The following ART3 variants were observed in gnomAD, a reference collection of about 807,000 sequenced individuals.
The protein encoded by ART3 is ecto-ADP-ribosyltransferase 3.
A neutral mutation model predicts 48.5 loss-of-function variants in ART3; 49 were observed. That is an observed-to-expected ratio of 1.01 (90% CI 0.80 to 1.28). The LOEUF (loss-of-function observed/expected upper bound fraction) is 1.28. ART3 is among the 50% of genes most tolerant of loss of function. The pLI is 0.00. For missense variants in ART3, 438 were observed against 454.3 expected (o/e 0.96, Z 0.33); for synonymous variants, 145 against 157.2 (o/e 0.92, Z 0.58).
At chr4:76,087,402 C>CCAG (rs1723845837) in intron 3 of ART3, among the ~76,000 whole-genome samples, 1 of 152,072 alleles carries the variant, frequency 6.6e-6, no homozygotes, top group South Asian at 2.1e-4. Context: ...ATCAAAAACT[C>CCAG]CCTGGAGTAA....
intron 1 of ART3, among the ~76,000 whole-genome samples, chr4:76,030,116 A>T (rs992351050): frequency 3.3e-5 from 5 of 152,124 alleles, no homozygotes; most frequent in Non-Finnish European, 7.4e-5. Flanking sequence ...GAGTGCAATG[A>T]CGCGATCTCG....
intron 1 of ART3, among the ~76,000 whole-genome samples, chr4:76,069,085 T>C (rs935769252): frequency 5.9e-5 from 9 of 152,206 alleles, no homozygotes; most frequent in Middle Eastern, 3.2e-3. Flanking sequence ...AAAAATTACA[T>C]ACTGACTGTA....
chr4:76,080,702 G>A (rs191826671), intron 2 of ART3, among the ~76,000 whole-genome samples: 92 of 149,252 alleles, frequency 6.2e-4, no homozygotes, highest in Admixed American at 1.4e-3. Context: ...GTAGAGATGG[G>A]GTTTCATCAT....
intron 1 of ART3, among the ~76,000 whole-genome samples, chr4:76,048,386 A>G (rs1055553258): frequency 6.6e-6 from 1 of 151,712 alleles, no homozygotes; most frequent in Non-Finnish European, 1.5e-5. Context: ...AAAATGAGCC[A>G]TCTCTTTTTC....
At chr4:76,104,851 A>G (rs145993283) in intron 10 of ART3, among the ~76,000 whole-genome samples, 1 of 152,340 alleles carries the variant, frequency 6.6e-6, no homozygotes, top group African/African-American at 2.4e-5. Context: ...TCCTGAGTTC[A>G]TGTAGTACTT....
At chr4:76,082,989 G>A (rs1168220201) in intron 3 of ART3, among the ~76,000 whole-genome samples, 1 of 152,106 alleles carries the variant, frequency 6.6e-6, no homozygotes, top group Non-Finnish European at 1.5e-5. Context: ...TAAATAAATA[G>A]TGCAGCCTGG....
chr4:76,046,099 G>T (rs185921523), intron 1 of ART3, among the ~76,000 whole-genome samples: 1,272 of 126,456 alleles, frequency 0.01, 21 homozygotes, highest in South Asian at 0.037. Context: ...GGACCAGAGT[G>T]CCTGGACTTG....
intron 1 of ART3, among the ~76,000 whole-genome samples, chr4:76,043,965 CA>C (rs1735247528): frequency 6.6e-6 from 1 of 151,968 alleles, no homozygotes. Flanking sequence ...TAGTGTCCTT[CA>C]GAGGGGAACT....
intron 1 of ART3, chr4:76,034,686 A>G: frequency 1.1e-6 from 1 of 884,400 alleles, no homozygotes; most frequent in Non-Finnish European, 1.8e-6. Flanking sequence ...ACCATAGAAA[A>G]GTCTCAGTTT....
At chr4:76,072,495 G>T (rs537187198), upstream of ART3, among the ~76,000 whole-genome samples, 1 of 151,956 alleles carries the variant, frequency 6.6e-6, no homozygotes, top group East Asian at 1.9e-4. Context: ...TTCTCATTAC[G>T]TTTAATGCTG....
At position 76,100,289 on chromosome 4, in the gene ART3, A is replaced by C. The variant is rs147392216; in HGVS notation, c.848-2A>C. 5.3e-5 allele frequency: 86 copies of C among 1,611,716 alleles called. No individual in the cohort carries two copies. The African/African-American group carries it at 1.1e-3, about 20-fold the overall frequency. On this transcript the variant is annotated splice_acceptor_variant, in intron 5 of 11. Transcript: ENST00000355810. LOFTEE classifies it high-confidence loss of function. ...CTGATGAACTTCTTTTCTGTGACTCAGGTGAGAAAAACCAGAAGCTTGAAG... is the reference window on the plus strand; with the variant it reads ...CTGATGAACTTCTTTTCTGTGACTCCGGTGAGAAAAACCAGAAGCTTGAAG...
upstream of ART3, among the ~76,000 whole-genome samples, chr4:76,072,661 C>T (rs1342276056): frequency 6.6e-6 from 1 of 151,644 alleles, no homozygotes; most frequent in Non-Finnish European, 1.5e-5. Context: ...CTTTTTAAAA[C>T]CTGTGATTTG....
chr4:76,067,471 A>C (rs1386661233), intron 1 of ART3, among the ~76,000 whole-genome samples: 2 of 116,342 alleles, frequency 1.7e-5, no homozygotes, highest in African/African-American at 5.4e-5. Context: ...AAAATCTATA[A>C]AAAAACACTA....
rs371197009 is a variant in ART3 at position 76,030,651 on chromosome 4, C to T, written c.-10+19331C>T. Reference sequence around the variant, plus strand: ...TAGTTACTCCTCATTAACACCTCCCCCAAACCCCAGTCAGCTAATTTGCTT... The same window carrying T: ...TAGTTACTCCTCATTAACACCTCCCTCAAACCCCAGTCAGCTAATTTGCTT... On this transcript the variant is annotated intron_variant, in intron 1 of 9. Transcript: ENST00000341029. Among the ~76,000 whole-genome samples the T allele has an allele frequency of 6.6e-5, 10 of 152,328 alleles. No homozygotes were observed. The East Asian group carries it at 7.7e-4, about 12-fold the overall frequency.
At chr4:76,047,451 C>T (rs1000453846) in intron 1 of ART3, among the ~76,000 whole-genome samples, 6 of 151,990 alleles carry the variant, frequency 3.9e-5, no homozygotes, top group South Asian at 4.2e-4. Flanking sequence ...AACTTACCCC[C>T]GAGTGATTCA....
In ART3 at chr4:76,112,564, A is replaced by G. The variant is rs776323335; in HGVS notation, c.*45A>G. 7.7e-6 allele frequency: 12 copies of G among 1,559,872 alleles called. No homozygotes were observed. The highest frequency in any genetic ancestry group is 1.7e-4 in the Middle Eastern group (1 of 5,880). ...TTCTTATTCTTTACTTGAAATAACT[A>G]TAGGGATCCACAGGAGATCAAAAGG... On this transcript the variant is annotated 3_prime_UTR_variant, in exon 12 of 12. Transcript: ENST00000355810.
intron 5 of ART3, 53 bp from the exon 6 acceptor site, chr4:76,100,238 C>T: frequency 1.3e-6 from 2 of 1,563,906 alleles, no homozygotes; most frequent in South Asian, 2.2e-5. Context: ...ATAGTAACTG[C>T]CAGTTCTTTT....
intron 3 of ART3, among the ~76,000 whole-genome samples, chr4:76,094,167 C>T (rs1019450263): frequency 6.6e-6 from 1 of 152,158 alleles, no homozygotes; most frequent in Admixed American, 6.5e-5. Flanking sequence ...CTTGGATTTC[C>T]CAGCTCTGGA....
intron 1 of ART3, among the ~76,000 whole-genome samples, chr4:76,037,649 A>G (rs1421226558): frequency 6.6e-6 from 1 of 152,096 alleles, no homozygotes. Flanking sequence ...AAGTAATTTG[A>G]AAGGAATACA....
Sources: allele counts gnomAD v4.1 joint callset (sites outside exome capture counted in the v4.1 genomes callset), GRCh38; gene constraint gnomAD v4.1.1; transcripts MANE v1.5; gene names NCBI Gene and HGNC (gene_info 2026-07-23, HGNC 2026-07-21).